The following SPIDR variants were observed in gnomAD, a reference collection of about 807,000 sequenced individuals.
SPIDR encodes DNA repair-scaffolding protein.
A neutral mutation model predicts 104.6 loss-of-function variants in SPIDR; 93 were observed. The ratio of observed to expected loss-of-function variants is 0.89; its 90% CI spans 0.75 to 1.06. SPIDR has a LOEUF of 1.06. Among genes scored for constraint, SPIDR ranks in the 50% least tolerant of loss-of-function variants. SPIDR has a pLI of 0.00. For synonymous variants in SPIDR, 431 were observed against 416.9 expected (o/e 1.03, Z -0.41); for missense variants, 1,154 against 1,111.2 (o/e 1.04, Z -0.55).
chr8:47,727,269 G>T lies in SPIDR; in HGVS notation c.2411G>T (p.Arg804Ile), dbSNP rs771105815. 2 of 1,614,144 alleles carry T rather than the reference G, an allele frequency of 1.2e-6. No individual in the cohort carries two copies. Among genetic ancestry groups the T allele is most frequent in the East Asian group, 4.5e-5 (2 of 44,872 alleles). Reference sequence around the variant, plus strand: ...GTGTGTGACATGTGTGGCAACGGGAGATTGGAACAGAGGCCGGAAGACAGG... The same window carrying T: ...GTGTGTGACATGTGTGGCAACGGGATATTGGAACAGAGGCCGGAAGACAGG... ...WPVCDMCGNG[R>I]LEQRPEDRGA... The change falls in exon 17 of 20, where the codon AGA becomes ATA. Residue 804 changes from arginine to isoleucine, a missense_variant. Transcript: ENST00000297423.
intron 10 of SPIDR, among the ~76,000 whole-genome samples, chr8:47,669,808 T>C (rs1161861528): frequency 4.6e-5 from 7 of 152,130 alleles, no homozygotes; most frequent in African/African-American, 1.7e-4. Context: ...GAGACCATCT[T>C]GGCCAACATG....
At chr8:47,355,516 A>G (rs1554625285) in intron 5 of SPIDR, among the ~76,000 whole-genome samples, 1 of 152,136 alleles carries the variant, frequency 6.6e-6, no homozygotes, top group Non-Finnish European at 1.5e-5. Flanking sequence ...ATGTCTGGGA[A>G]CCTATTTGAT....
intron 8 of SPIDR, among the ~76,000 whole-genome samples, chr8:47,473,129 C>T (rs2075913784): frequency 6.6e-6 from 1 of 152,106 alleles, no homozygotes; most frequent in South Asian, 2.1e-4. Flanking sequence ...ATAACACACC[C>T]GTCAGGTTAA....
At chr8:47,672,777 T>A (rs2075963876) in intron 10 of SPIDR, among the ~76,000 whole-genome samples, 1 of 152,230 alleles carries the variant, frequency 6.6e-6, no homozygotes, top group South Asian at 2.1e-4. Context: ...TGTTTCTTTG[T>A]GTTTGATTTT....
At chr8:47,644,071 C>G (rs917993052) in intron 10 of SPIDR, among the ~76,000 whole-genome samples, 4 of 152,186 alleles carry the variant, frequency 2.6e-5, no homozygotes, top group Non-Finnish European at 5.9e-5. Flanking sequence ...CCTCTGCATT[C>G]CACCCTCAGT....
intron 11 of SPIDR, among the ~76,000 whole-genome samples, chr8:47,691,729 T>G (rs1256585801): frequency 1.3e-5 from 2 of 152,216 alleles, no homozygotes; most frequent in Non-Finnish European, 2.9e-5. Context: ...AGAGCCACAG[T>G]GCAGGGCTGT....
Position 47,713,351 on chromosome 8 carries a change from A to G in SPIDR, c.2189-138A>G. 1.6e-6 allele frequency: 2 copies of G among 1,242,870 alleles called. 1 individual carries two copies. The highest frequency in any genetic ancestry group is 2.7e-5 in the South Asian group (2 of 74,092). The allele number at this position is 1,242,870 out of a possible 1,614,324, so 77.0% of individuals were successfully genotyped here. A position where few individuals can be genotyped will look rare whatever the true frequency, so the allele number is the denominator to read the frequency against. ...TGGGGTTCAGGAGTGTGCACACACA[A>G]TGAACGTGCTGCTGGACACAGTCCC... On this transcript the variant is annotated intron_variant, in intron 15 of 19. Coordinates refer to ENST00000297423, the MANE Select transcript of SPIDR (RefSeq NM_001080394.4).
At chr8:47,577,499 A>AT (rs565064310) in intron 8 of SPIDR, among the ~76,000 whole-genome samples, 1 of 152,264 alleles carries the variant, frequency 6.6e-6, no homozygotes, top group East Asian at 1.9e-4. Context: ...TTGTACACAG[A>AT]TTTTTTTCAA....
At chr8:47,278,348 C>A (rs1207624960) in intron 1 of SPIDR, among the ~76,000 whole-genome samples, 1 of 150,266 alleles carries the variant, frequency 6.7e-6, no homozygotes, top group Admixed American at 6.6e-5. Context: ...AAGACAGGAT[C>A]TTGCTCTGTC....
At chr8:47,692,301 G>A (rs776972495) in intron 11 of SPIDR, among the ~76,000 whole-genome samples, 1 of 151,848 alleles carries the variant, frequency 6.6e-6, no homozygotes, top group African/African-American at 2.4e-5. Flanking sequence ...AAGAAACCTT[G>A]TACCTTCAGC....
chr8:47,443,126 A>G (rs1554698522), intron 8 of SPIDR, among the ~76,000 whole-genome samples: 2 of 152,160 alleles, frequency 1.3e-5, no homozygotes, highest in African/African-American at 2.4e-5. Flanking sequence ...CTGACTCCTT[A>G]GACTTTACAA....
chr8:47,520,504 TTCTC>T (rs1422188895), intron 8 of SPIDR, among the ~76,000 whole-genome samples: 1 of 152,216 alleles, frequency 6.6e-6, no homozygotes, highest in Non-Finnish European at 1.5e-5. Context: ...ATGAATATTT[TTCTC>T]TCTCAGCCCC....
chr8:47,583,388 T>C (rs961703626), intron 8 of SPIDR, among the ~76,000 whole-genome samples: 2 of 152,034 alleles, frequency 1.3e-5, no homozygotes, highest in South Asian at 2.1e-4. Flanking sequence ...GTGTGACTTA[T>C]CACGTGAGAT....
At chr8:47,336,155 C>T (rs564612422) in intron 5 of SPIDR, among the ~76,000 whole-genome samples, 5 of 152,106 alleles carry the variant, frequency 3.3e-5, no homozygotes, top group Middle Eastern at 3.4e-3. Flanking sequence ...GTTTGCTTTT[C>T]GGTTTTGGAG....
intron 8 of SPIDR, among the ~76,000 whole-genome samples, chr8:47,585,793 C>T (rs888415153): frequency 6.6e-6 from 1 of 152,072 alleles, no homozygotes; most frequent in Admixed American, 6.6e-5. Context: ...CTTGTAAAAC[C>T]GCCAATCCCA....
At chr8:47,567,116 G>T (rs2057951545) in intron 8 of SPIDR, among the ~76,000 whole-genome samples, 1 of 152,112 alleles carries the variant, frequency 6.6e-6, no homozygotes, top group South Asian at 2.1e-4. Flanking sequence ...GGAGTTCTGT[G>T]CAGATAATAG....
chr8:47,551,318 T>C (rs1184763880), intron 8 of SPIDR, among the ~76,000 whole-genome samples: 4 of 152,206 alleles, frequency 2.6e-5, no homozygotes, highest in Non-Finnish European at 5.9e-5. Flanking sequence ...TCTTTTTCTA[T>C]TGATGTGAAT....
intron 8 of SPIDR, among the ~76,000 whole-genome samples, chr8:47,549,938 T>G (rs1176603676): frequency 1.3e-5 from 2 of 152,226 alleles, no homozygotes; most frequent in Admixed American, 6.5e-5. Flanking sequence ...GAATTAATTT[T>G]TGTATAAGGT....
intron 8 of SPIDR, among the ~76,000 whole-genome samples, chr8:47,457,341 C>T (rs916848346): frequency 2.6e-5 from 4 of 152,098 alleles, no homozygotes; most frequent in Admixed American, 2.6e-4. Context: ...TGTTGACTTC[C>T]ATTTCCGTGA....
Sources: gnomAD v4.1 joint callset for allele counts (sites outside exome capture counted in the v4.1 genomes callset) on GRCh38, gnomAD v4.1.1 for gene constraint, MANE v1.5 for transcripts, NCBI Gene and HGNC (gene_info 2026-07-23, HGNC 2026-07-21) for gene names.